Variants in TENM3 observed in about 807,000 individuals in gnomAD.
The protein encoded by TENM3 is teneurin transmembrane protein 3.
TENM3 carries 63 observed loss-of-function variants against 255.1 expected under a neutral mutation model. The observed-to-expected ratio is 0.25, with a 90% CI of 0.20 to 0.30. The LOEUF (loss-of-function observed/expected upper bound fraction) is 0.30, where lower values mean the gene tolerates loss of function less well. Ranked by LOEUF, TENM3 falls within the 10% of genes least tolerant of loss-of-function variation. TENM3 has a pLI of 1.00. For missense variants in TENM3, 2,929 were observed against 3,461.1 expected, an observed-to-expected ratio of 0.85 and a Z score of 3.86; for synonymous variants, 1,306 against 1,322.3, an observed-to-expected ratio of 0.99 and a Z score of 0.27.
rs190103497 is a variant in TENM3 at position 182,551,497 on chromosome 4, G to A, written c.512-49427G>A. ...ATGAAGAAATAACTTTTCAAACTGT[G>A]ATGATTAGAAAAGGACTGAATAAAG... is the stretch of plus-strand genomic sequence containing the variant. On this transcript the variant is annotated intron_variant, in intron 3 of 27. Coordinates refer to ENST00000511685, the MANE Select transcript of TENM3 (RefSeq NM_001080477.4). 1.1e-3 allele frequency among the ~76,000 whole-genome samples: 166 copies of A among 152,192 alleles called. 2 individuals carry two copies. Among genetic ancestry groups the A allele is most frequent in the South Asian group, 8.5e-3 (41 of 4,820 alleles).
At chr4:181,654,817 A>G in the TENM3 span, among the ~76,000 whole-genome samples, 1 of 151,528 alleles carries the variant, frequency 6.6e-6, no homozygotes, top group South Asian at 2.1e-4. Context: ...TTACAAATGC[A>G]GATTCCTCGG....
the TENM3 span, among the ~76,000 whole-genome samples, chr4:181,660,694 CA>C: frequency 6.6e-6 from 1 of 152,072 alleles, no homozygotes; most frequent in African/African-American, 2.4e-5. Flanking sequence ...TCTATTTTGT[CA>C]CATGGAAATA....
the TENM3 span, among the ~76,000 whole-genome samples, chr4:181,628,606 CTTGT>C: frequency 1.3e-5 from 2 of 152,128 alleles, no homozygotes; most frequent in African/African-American, 4.8e-5. Flanking sequence ...TTCCCCATTG[CTTGT>C]TTTTGTCGGG....
the TENM3 span, among the ~76,000 whole-genome samples, chr4:181,888,040 AT>A: frequency 6.6e-6 from 1 of 151,774 alleles, no homozygotes; most frequent in Non-Finnish European, 1.5e-5. Flanking sequence ...GTTTTATTTT[AT>A]TTTTTTGAGA....
chr4:181,671,751 T>G, the TENM3 span, among the ~76,000 whole-genome samples: 2,060 of 152,240 alleles, frequency 0.014, 20 homozygotes, highest in Non-Finnish European at 0.022. Context: ...TTTACTTTTT[T>G]TTTTTTATCT....
the TENM3 span, among the ~76,000 whole-genome samples, chr4:181,774,003 G>GTTTTTTT: frequency 9.0e-4 from 81 of 90,034 alleles, no homozygotes; most frequent in Non-Finnish European, 1.1e-3. Context: ...TGGTGGCTGT[G>GTTTTTTT]TTTTTTTTTT....
the TENM3 span, among the ~76,000 whole-genome samples, chr4:181,773,100 A>G: frequency 6.6e-6 from 1 of 152,118 alleles, no homozygotes; most frequent in Admixed American, 6.5e-5. Flanking sequence ...CAGCACCCAC[A>G]TGATTTCCTG....
At chr4:181,666,462 A>G in the TENM3 span, among the ~76,000 whole-genome samples, 1 of 152,186 alleles carries the variant, frequency 6.6e-6, no homozygotes. Flanking sequence ...ACAATCAACA[A>G]TGATAGCACA....
At chr4:181,980,862 A>G in the TENM3 span, among the ~76,000 whole-genome samples, 1 of 151,054 alleles carries the variant, frequency 6.6e-6, no homozygotes, top group Non-Finnish European at 1.5e-5. Context: ...CTTTTTTTTT[A>G]TGTTTAAAAA....
chr4:182,110,104 ACT>A, the TENM3 span, among the ~76,000 whole-genome samples: 1 of 100,632 alleles, frequency 9.9e-6, no homozygotes, highest in South Asian at 4.6e-4. Flanking sequence ...ACAGAGCGAG[ACT>A]CTGTCTCAAA....
intron 3 of TENM3, among the ~76,000 whole-genome samples, chr4:182,422,722 T>A (rs1218916100): frequency 2.0e-5 from 3 of 152,212 alleles, no homozygotes; most frequent in African/African-American, 4.8e-5. Context: ...GGACAAAAAT[T>A]TTAAAAACTT....
At chr4:182,598,152 G>A (rs1272189530) in intron 3 of TENM3, among the ~76,000 whole-genome samples, 2 of 152,214 alleles carry the variant, frequency 1.3e-5, no homozygotes, top group Admixed American at 6.5e-5. Flanking sequence ...CTGCACCCCA[G>A]CCTGGGCAAC....
At chr4:181,935,103 A>G in the TENM3 span, among the ~76,000 whole-genome samples, 1 of 152,194 alleles carries the variant, frequency 6.6e-6, no homozygotes, top group African/African-American at 2.4e-5. Flanking sequence ...TTGACATTTA[A>G]TTTTCAACTT....
At chr4:182,426,139 CT>C (rs1334630588) in intron 3 of TENM3, among the ~76,000 whole-genome samples, 4 of 151,782 alleles carry the variant, frequency 2.6e-5, no homozygotes, top group Non-Finnish European at 5.9e-5. Context: ...TCTCTTTTGA[CT>C]TTAAGCAGGG....
At chr4:182,178,283 G>T (rs1302306317) in intron 1 of TENM3, among the ~76,000 whole-genome samples, 1 of 152,070 alleles carries the variant, frequency 6.6e-6, no homozygotes, top group South Asian at 2.1e-4. Flanking sequence ...GATAGATGGC[G>T]TCAATTTCTA....
chr4:181,558,799 T>C, the TENM3 span, among the ~76,000 whole-genome samples: 1 of 152,386 alleles, frequency 6.6e-6, no homozygotes, highest in African/African-American at 2.4e-5. Context: ...TCAAATTTTA[T>C]GGTTAATACC....
intron 3 of TENM3, among the ~76,000 whole-genome samples, chr4:182,390,715 C>G (rs971705871): frequency 6.6e-6 from 1 of 152,210 alleles, no homozygotes; most frequent in East Asian, 1.9e-4. Flanking sequence ...CATCTCTCCA[C>G]CCTTCAGCAC....
the TENM3 span, among the ~76,000 whole-genome samples, chr4:181,782,094 A>G: frequency 4.6e-5 from 7 of 151,478 alleles, no homozygotes; most frequent in African/African-American, 1.7e-4. Context: ...TTTTTGTTGT[A>G]TCTCTGCCAG....
At chr4:182,600,841 C>A in intron 3 of TENM3, 83 bp from the exon 4 acceptor site, 1 of 651,916 alleles carries the variant, frequency 1.5e-6, no homozygotes, top group Non-Finnish European at 2.4e-6. Flanking sequence ...TGCAGTGGAT[C>A]CCCAAGAAAT....
Sources: gnomAD v4.1 joint callset for allele counts (sites outside exome capture counted in the v4.1 genomes callset) on GRCh38, gnomAD v4.1.1 for gene constraint, MANE v1.5 for transcripts, NCBI Gene and HGNC (gene_info 2026-07-23, HGNC 2026-07-21) for gene names.